The following PLCE1 variants were observed in gnomAD, a reference collection of about 807,000 sequenced individuals.
The protein encoded by PLCE1 is phospholipase C epsilon 1.
In PLCE1, 119 loss-of-function variants were observed where a neutral mutation model predicts 242.8. The observed-to-expected ratio is 0.49, with a 90% confidence interval of 0.42 to 0.57. The LOEUF is 0.57. Ranked by LOEUF, PLCE1 falls within the 20% of genes least tolerant of loss-of-function variation. The pLI is 0.00. For synonymous variants in PLCE1, 945 were observed against 1,017.4 expected (o/e 0.93, Z 1.35); for missense variants, 2,441 against 2,788.8 (o/e 0.88, Z 2.81).
intron 13 of PLCE1, among the ~76,000 whole-genome samples, 196 bp from the exon 14 acceptor site, chr10:94,262,298 G>T (rs1288966719): frequency 6.6e-6 from 1 of 152,108 alleles, no homozygotes; most frequent in Non-Finnish European, 1.5e-5. Flanking sequence ...ACCATGCTCA[G>T]CCTTTATTTA....
rs1159022073 is a variant in PLCE1 at position 94,331,587 on chromosome 10, A to C, written c.*3644A>C. 6.6e-6 allele frequency: 1 copy of C among 152,128 alleles called. No homozygotes were observed. Among genetic ancestry groups the C allele is most frequent in the Non-Finnish European group, 1.5e-5 (1 of 68,036 alleles). 9.4% of individuals were successfully genotyped at this position (152,128 alleles called of 1,614,324 possible). A position where few individuals can be genotyped will look rare whatever the true frequency, so the allele number is the denominator to read the frequency against. On this transcript the variant is annotated 3_prime_UTR_variant, in exon 33 of 33. Coordinates refer to ENST00000371380, the MANE Select transcript of PLCE1 (RefSeq NM_016341.4). ...AGTGCTCTCATGGTGAAAGTCTCTG[A>C]CCCCTTTTCAGTTGCTTATATATCA...
At chr10:94,094,511 G>C (rs1016878852) in intron 2 of PLCE1, among the ~76,000 whole-genome samples, 1 of 152,188 alleles carries the variant, frequency 6.6e-6, no homozygotes, top group African/African-American at 2.4e-5. Flanking sequence ...TGCAGACCTG[G>C]AGGTGAAGGA....
At chr10:94,013,063 A>G (rs926305815) in intron 1 of PLCE1, among the ~76,000 whole-genome samples, 1 of 152,206 alleles carries the variant, frequency 6.6e-6, no homozygotes, top group Admixed American at 6.5e-5. Context: ...GACTCACTCA[A>G]TTCATACTTG....
At chr10:94,207,394 CA>C (rs1399519382) in intron 4 of PLCE1, among the ~76,000 whole-genome samples, 5 of 152,024 alleles carry the variant, frequency 3.3e-5, no homozygotes, top group African/African-American at 4.8e-5. Flanking sequence ...ATGATACTTA[CA>C]AACACAAAAA....
At chr10:94,019,547 T>C (rs2061339936) in intron 1 of PLCE1, among the ~76,000 whole-genome samples, 2 of 152,196 alleles carry the variant, frequency 1.3e-5, no homozygotes, top group South Asian at 4.1e-4. Context: ...AGCAGCACTG[T>C]CCTGTAGAAC....
chr10:94,125,196 A>T (rs1314749224), intron 2 of PLCE1, among the ~76,000 whole-genome samples: 1 of 152,234 alleles, frequency 6.6e-6, no homozygotes, highest in Non-Finnish European at 1.5e-5. Context: ...CATGAAGCTG[A>T]CATTCTAATG....
rs192319228 is a variant in PLCE1 at position 94,269,902 on chromosome 10, C to T, written c.4390-584C>T. Among the ~76,000 whole-genome samples, 11 of 152,290 alleles carry T rather than the reference C, an allele frequency of 7.2e-5. No individual in the cohort carries two copies. The East Asian group carries it at 7.7e-4, about 11-fold the overall frequency. ...ATTCAGAGGGTCTTAGGCTATATAA[C>T]ATAATTTTTCTCTGAACTGTGGCCA... is the stretch of plus-strand genomic sequence containing the variant. On this transcript the variant is annotated intron_variant, in intron 17 of 32. Transcript: ENST00000371380.
In PLCE1 at chr10:94,300,106, A is replaced by G. The variant is rs539295546; in HGVS notation, c.5458+1437A>G. Among the ~76,000 whole-genome samples the G allele has an allele frequency of 2.4e-4, 36 of 152,336 alleles. 1 individual carries two copies. The South Asian group carries it at 7.0e-3, about 30-fold the overall frequency. On this transcript the variant is annotated intron_variant, in intron 24 of 32. Coordinates refer to ENST00000371380, the MANE Select transcript of PLCE1 (RefSeq NM_016341.4). Reference sequence around the variant, plus strand: ...TGGTGCCATTGGTTATTATCCCGGCATATTTTAAGTAAACTGAAGTCACTA... The same window carrying G: ...TGGTGCCATTGGTTATTATCCCGGCGTATTTTAAGTAAACTGAAGTCACTA...
intron 23 of PLCE1, among the ~76,000 whole-genome samples, chr10:94,294,209 T>C (rs895784132): frequency 1.3e-4 from 20 of 152,216 alleles, no homozygotes; most frequent in Non-Finnish European, 2.9e-5. Context: ...TGGAACATTC[T>C]TGGAACATTC....
At chr10:94,208,255 G>A (rs752929719) in intron 4 of PLCE1, among the ~76,000 whole-genome samples, 5 of 152,294 alleles carry the variant, frequency 3.3e-5, no homozygotes, top group South Asian at 2.1e-4. Context: ...TACCCTCTGC[G>A]GTGATGCACC....
chr10:94,070,238 T>C (rs1589955926), intron 2 of PLCE1, among the ~76,000 whole-genome samples: 1 of 152,244 alleles, frequency 6.6e-6, no homozygotes, highest in African/African-American at 2.4e-5. Flanking sequence ...TGGCTTGGAA[T>C]AGTAATGTAT....
At chr10:94,319,712 T>C (rs543329631) in intron 29 of PLCE1, among the ~76,000 whole-genome samples, 9 of 152,240 alleles carry the variant, frequency 5.9e-5, no homozygotes, top group African/African-American at 2.2e-4. Flanking sequence ...ATGAGACTCA[T>C]GTCAAACATG....
At chr10:94,197,598 C>T (rs529289232) in intron 4 of PLCE1, among the ~76,000 whole-genome samples, 2 of 152,276 alleles carry the variant, frequency 1.3e-5, no homozygotes, top group South Asian at 4.2e-4. Context: ...TATCTTTTCA[C>T]CTGCTTATAT....
chr10:94,035,907 G>A (rs986938826), intron 2 of PLCE1, among the ~76,000 whole-genome samples: 2 of 152,146 alleles, frequency 1.3e-5, no homozygotes, highest in African/African-American at 2.4e-5. Flanking sequence ...GTCCGTTCTG[G>A]TTCCTCAATC....
intron 24 of PLCE1, among the ~76,000 whole-genome samples, chr10:94,303,111 C>T (rs1257459838): frequency 6.6e-6 from 1 of 152,230 alleles, no homozygotes; most frequent in Non-Finnish European, 1.5e-5. Context: ...ACATCTTACA[C>T]TAGGAATTCC....
chr10:94,211,720 G>A (rs1353815449), intron 4 of PLCE1, among the ~76,000 whole-genome samples: 2 of 152,064 alleles, frequency 1.3e-5, no homozygotes, highest in Non-Finnish European at 2.9e-5. Flanking sequence ...ATTGATTCTG[G>A]ATTTATGACA....
At chr10:94,324,842 A>G (rs774261862) in intron 31 of PLCE1, 50 bp from the exon 32 acceptor site, 12 of 1,556,096 alleles carry the variant, frequency 7.7e-6, no homozygotes, top group African/African-American at 1.4e-5. Context: ...CATGTGACAG[A>G]GGAACCTGAG....
At chr10:94,204,345 A>G (rs1314205160) in intron 4 of PLCE1, among the ~76,000 whole-genome samples, 1 of 152,176 alleles carries the variant, frequency 6.6e-6, no homozygotes, top group Admixed American at 6.5e-5. Flanking sequence ...ACTCCAAGCT[A>G]CCTTCTAGAA....
chr10:94,205,370 T>G (rs915141808), intron 4 of PLCE1, among the ~76,000 whole-genome samples: 4 of 152,220 alleles, frequency 2.6e-5, no homozygotes, highest in Non-Finnish European at 5.9e-5. Flanking sequence ...AAGCACGTAT[T>G]ACTTTCAATA....
Sources: gnomAD v4.1 joint callset for allele counts (sites outside exome capture counted in the v4.1 genomes callset) on GRCh38, gnomAD v4.1.1 for gene constraint, MANE v1.5 for transcripts, NCBI Gene and HGNC (gene_info 2026-07-23, HGNC 2026-07-21) for gene names.